Variants in CPNE1 observed in about 807,000 individuals in gnomAD.
CPNE1 encodes the protein copine 1.
CPNE1 carries 58 observed loss-of-function variants against 63.2 expected under a neutral mutation model. The observed-to-expected ratio is 0.92, with a 90% CI of 0.74 to 1.14. The LOEUF is 1.14. CPNE1 is among the 50% of genes most tolerant of loss of function. The probability of loss-of-function intolerance (pLI) is 0.00; values close to 1 mark genes in which losing one functional copy is unlikely to be tolerated. For synonymous variants in CPNE1, 237 were observed against 249.0 expected (o/e 0.95, Z 0.45); for missense variants, 672 against 661.7 (o/e 1.02, Z -0.17).
rs778340730 is a variant in CPNE1 at position 35,654,349 on chromosome 20, T to C, written c.-1+10411A>G. 3.7e-6 allele frequency: 6 copies of C among 1,614,166 alleles called. No homozygotes were observed. Among genetic ancestry groups the C allele is most frequent in the South Asian group, 2.2e-5 (2 of 91,090 alleles). ...ATGCACTGCATCAACACGGAGCCCA[T>C]GAAAAAAATCTCTGACATCATTTTC... On this transcript the variant is annotated intron_variant, in intron 1 of 15. Coordinates refer to ENST00000397443, the MANE Select transcript of CPNE1 (RefSeq NM_152925.3).
chr20:35,653,782 AT>A, intron 1 of CPNE1: 2 of 1,614,032 alleles, frequency 1.2e-6, no homozygotes, highest in Non-Finnish European at 1.7e-6. Context: ...AATCATATCT[AT>A]CTTTTCTAGC....
At chr20:35,656,906 A>C (rs1461531992) in intron 1 of CPNE1, among the ~76,000 whole-genome samples, 1 of 148,934 alleles carries the variant, frequency 6.7e-6, no homozygotes, top group African/African-American at 2.4e-5. Context: ...CTTCTCAAGA[A>C]TATTAGAAGG....
intron 13 of CPNE1, 74 bp downstream of exon 13, chr20:35,630,365 T>C: frequency 8.5e-7 from 1 of 1,175,418 alleles, no homozygotes; most frequent in Non-Finnish European, 1.3e-6. Flanking sequence ...CTGCCCCCAC[T>C]CTCCCTTTTA....
At chr20:35,636,977 T>C (rs1449143122) in intron 1 of CPNE1, among the ~76,000 whole-genome samples, 1 of 152,160 alleles carries the variant, frequency 6.6e-6, no homozygotes, top group Non-Finnish European at 1.5e-5. Flanking sequence ...AACTCCATAA[T>C]TCTGTATTGT....
chr20:35,626,714 G>A lies in CPNE1; in HGVS notation c.1326C>T (p.Pro442=). The change falls in exon 15 of 16, where the codon CCC becomes CCT. Residue 442 remains proline (P), a synonymous_variant. Transcript: ENST00000397443. ...REAVVRASNL[P]MSVIIVGVGG... is the part of the protein sequence containing the mutation. Reference sequence around the variant, plus strand: ...CCACACCCACAATGATCACTGACATGGGCAGGTTCGAGGCACGCACCACAG... The same window carrying A: ...CCACACCCACAATGATCACTGACATAGGCAGGTTCGAGGCACGCACCACAG... The A allele has an allele frequency of 3.7e-6, 6 of 1,614,136 alleles. No homozygotes were observed. The highest frequency in any genetic ancestry group is 5.1e-6 in the Non-Finnish European group (6 of 1,180,012).
chr20:35,644,409 G>A (rs906952862), intron 1 of CPNE1, among the ~76,000 whole-genome samples: 1 of 152,134 alleles, frequency 6.6e-6, no homozygotes, highest in East Asian at 1.9e-4. Flanking sequence ...GAAACCAGGA[G>A]AGCAGTACCC....
At position 35,658,801 on chromosome 20, in the gene CPNE1, A is replaced by AC. The variant is rs1220826450; in HGVS notation, c.-1+5958_-1+5959insG. ...CTCAAAACAAAAAACAAGCAAACAA[A>AC]AACACACACACACACACACACACAC... On this transcript the variant is annotated intron_variant, in intron 1 of 15. Transcript: ENST00000397443. 372 of 515,836 alleles carry AC rather than the reference A, an allele frequency of 7.2e-4. 2 individuals carry two copies. Among genetic ancestry groups the AC allele is most frequent in the African/African-American group, 5.4e-3 (185 of 34,562 alleles). The allele number at this position is 515,836 out of a possible 1,614,324, so 32.0% of individuals were successfully genotyped here. A position where few individuals can be genotyped will look rare whatever the true frequency, so the allele number is the denominator to read the frequency against.
At position 35,658,589 on chromosome 20, in the gene CPNE1, T is replaced by A. The variant is rs748526436; in HGVS notation, c.-1+6171A>T. ...GCCTGGCCAAGAGGATAAAACCCCA[T>A]CTCTACTAAAAATACAAAAAAATTA... On this transcript the variant is annotated intron_variant, in intron 1 of 15. Coordinates refer to ENST00000397443, the MANE Select transcript of CPNE1 (RefSeq NM_152925.3). Among the ~76,000 whole-genome samples the A allele has an allele frequency of 1.0e-3, 156 of 151,760 alleles. 1 individual carries two copies. Among genetic ancestry groups the A allele is most frequent in the Non-Finnish European group, 9.0e-4 (61 of 67,972 alleles).
chr20:35,655,287 A>G, intron 1 of CPNE1: 1 of 1,612,154 alleles, frequency 6.2e-7, no homozygotes. Flanking sequence ...TCCCCGCCAC[A>G]ATTGGGAGAC....
chr20:35,630,961 C>T lies in CPNE1; in HGVS notation c.935G>A (p.Gly312Glu). ...PDSLHYLSPT[G>E]VNEYLMALWS... The stretch of plus-strand genomic sequence containing the variant: ...CAGTGCCATCAGGTACTCATTGACC[C>T]CTGTTGGACTCAGGTAGTGTAGGGA... The change falls in exon 11 of 16, where the codon GGG (glycine) becomes GAG (glutamate). Residue 312 changes from glycine (G) to glutamate (E), a missense_variant. Gly to Glu is a moderately conservative substitution (Grantham distance 98). Coordinates refer to ENST00000397443, the MANE Select transcript of CPNE1 (RefSeq NM_152925.3). The T allele has an allele frequency of 1.9e-6, 3 of 1,613,976 alleles. No individual in the cohort carries two copies. Among genetic ancestry groups the T allele is most frequent in the Non-Finnish European group, 2.5e-6 (3 of 1,179,926 alleles).
At chr20:35,654,915 G>C (rs760094299) in intron 1 of CPNE1, 1 of 1,614,118 alleles carries the variant, frequency 6.2e-7, no homozygotes, top group East Asian at 2.2e-5. Context: ...CAGAAGTGGT[G>C]GCAGTAACTA....
intron 1 of CPNE1, among the ~76,000 whole-genome samples, chr20:35,640,863 T>C (rs1364348243): frequency 1.3e-5 from 2 of 152,108 alleles, no homozygotes; most frequent in South Asian, 2.1e-4. Flanking sequence ...CTGAGAGAAG[T>C]AGGCTTTCTA....
chr20:35,648,583 AG>A (rs1410934620), intron 1 of CPNE1, among the ~76,000 whole-genome samples: 4 of 152,242 alleles, frequency 2.6e-5, no homozygotes, highest in Non-Finnish European at 5.9e-5. Flanking sequence ...TTATATGTCT[AG>A]CCCCCTCTAA....
chr20:35,648,463 GA>G (rs2033282110), intron 1 of CPNE1, among the ~76,000 whole-genome samples: 1 of 152,180 alleles, frequency 6.6e-6, no homozygotes, highest in Non-Finnish European at 1.5e-5. Context: ...ACCCCTTTCA[GA>G]TGGTAAAAGC....
In CPNE1 at chr20:35,652,603, C is replaced by T. The variant is rs2033596853; in HGVS notation, c.-1+12157G>A. 3.1e-6 allele frequency: 5 copies of T among 1,614,146 alleles called. No individual in the cohort carries two copies. Among genetic ancestry groups the T allele is most frequent in the Non-Finnish European group, 4.2e-6 (5 of 1,180,014 alleles). ...AATGACAGCAGCTGTGGCTTCATCC[C>T]GAGACTCAAAGGCCACCATGGCTTC... On this transcript the variant is annotated intron_variant, in intron 1 of 15. Coordinates refer to ENST00000397443, the MANE Select transcript of CPNE1 (RefSeq NM_152925.3).
chr20:35,637,513 C>T (rs115417014), intron 1 of CPNE1, among the ~76,000 whole-genome samples: 98 of 152,290 alleles, frequency 6.4e-4, no homozygotes, highest in African/African-American at 2.1e-3. Flanking sequence ...AACACACATG[C>T]CTGACTTTCC....
intron 1 of CPNE1, chr20:35,655,118 C>T: frequency 6.2e-7 from 1 of 1,614,192 alleles, no homozygotes; most frequent in Non-Finnish European, 8.5e-7. Flanking sequence ...AATAGTGTTA[C>T]TTTTGACCCT....
chr20:35,626,887 T>A (rs540734427), intron 14 of CPNE1, 84 bp from the exon 15 acceptor site: 1 of 1,127,236 alleles, frequency 8.9e-7, no homozygotes, highest in Admixed American at 1.7e-5. Context: ...CCCACACTCA[T>A]AAGAAGTCCC....
chr20:35,626,292 G>A lies in CPNE1; in HGVS notation c.1563C>T (p.Leu521=), dbSNP rs752861422. ...CCTTGGCTGAGGGTGGAAGTGGCTT[G>A]AGCGGGGCCCAACCCTGGGCCCTGA... ...SYFRAQGWAP[L]KPLPPSAKDP... Residue 521 remains leucine, a synonymous_variant, in exon 16 of 16, where the codon CTC becomes CTT. Transcript: ENST00000397443. 6.2e-7 allele frequency: 1 copy of A among 1,612,154 alleles called. No individual in the cohort carries two copies. Among genetic ancestry groups the A allele is most frequent in the Admixed American group, 1.7e-5 (1 of 59,288 alleles).
Sources: allele counts gnomAD v4.1 joint callset (sites outside exome capture counted in the v4.1 genomes callset), GRCh38; gene constraint gnomAD v4.1.1; transcripts MANE v1.5; gene names NCBI Gene and HGNC (gene_info 2026-07-23, HGNC 2026-07-21).